PRDM16: variants seen among roughly 807,000 people sequenced by gnomAD.
PRDM16 encodes histone-lysine N-methyltransferase PRDM16.
Under a neutral mutation model 110.6 loss-of-function variants are expected in PRDM16, and 23 were observed. The observed-to-expected ratio is 0.21, with a 90% CI of 0.15 to 0.29. The LOEUF (loss-of-function observed/expected upper bound fraction) is 0.29, where lower values mean the gene tolerates loss of function less well. PRDM16 is among the 10% of genes least tolerant of loss of function. The pLI, the probability that PRDM16 is intolerant of heterozygous loss-of-function variation, is 1.00. For synonymous variants in PRDM16, 799 were observed against 781.8 expected (o/e 1.02, Z -0.37); for missense variants, 1,615 against 1,794.3 (o/e 0.90, Z 1.81).
chr1:3,163,777 G>A (rs955703304), intron 1 of PRDM16, among the ~76,000 whole-genome samples: 21 of 152,188 alleles, frequency 1.4e-4, no homozygotes, highest in Non-Finnish European at 1.6e-4. Flanking sequence ...TACCCCGTGC[G>A]TGTTCACGTC....
chr1:3,171,257 C>T (rs182494057), intron 1 of PRDM16, among the ~76,000 whole-genome samples: 269 of 152,328 alleles, frequency 1.8e-3, no homozygotes, highest in African/African-American at 6.1e-3. Context: ...AGTTTGGTGG[C>T]GGTCGGCTGT....
intron 2 of PRDM16, among the ~76,000 whole-genome samples, chr1:3,233,775 C>T (rs779700835): frequency 4.3e-4 from 65 of 151,844 alleles, no homozygotes; most frequent in Non-Finnish European, 6.2e-4. Flanking sequence ...TGGTGTGGAT[C>T]GTGGCGATGG....
intron 3 of PRDM16, among the ~76,000 whole-genome samples, chr1:3,258,545 A>G (rs986924251): frequency 1.3e-5 from 2 of 152,236 alleles, no homozygotes; most frequent in Non-Finnish European, 2.9e-5. Flanking sequence ...TAGTGTTGAT[A>G]AATTAAGTAA....
At chr1:3,266,356 C>G (rs1640292599) in intron 3 of PRDM16, among the ~76,000 whole-genome samples, 1 of 152,320 alleles carries the variant, frequency 6.6e-6, no homozygotes, top group African/African-American at 2.4e-5. Flanking sequence ...CCGTAATCCA[C>G]CAGAGAACAA....
At position 3,434,077 on chromosome 1, in the gene PRDM16, A is replaced by G; in HGVS notation, c.*266A>G. On this transcript the variant is annotated 3_prime_UTR_variant, in exon 17 of 17. Coordinates refer to ENST00000270722, the MANE Select transcript of PRDM16 (RefSeq NM_022114.4). ...GCAGGTGGCCGTCCAAAGACAGCCA[A>G]CGGAGCTGCCTCGCAGAATCAGCCA... The G allele has an allele frequency of 2.3e-6, 1 of 432,864 alleles. No homozygotes were observed. The highest frequency in any genetic ancestry group is 4.1e-6 in the Non-Finnish European group (1 of 241,580). 26.8% of individuals were successfully genotyped at this position (432,864 alleles called of 1,614,324 possible).
intron 16 of PRDM16, among the ~76,000 whole-genome samples, chr1:3,432,344 T>C (rs1223424284): frequency 1.3e-5 from 2 of 152,230 alleles, no homozygotes; most frequent in African/African-American, 4.8e-5. Context: ...TGAGAGCCGA[T>C]GACCCTGGCA....
At chr1:3,130,596 G>A (rs535725605) in intron 1 of PRDM16, among the ~76,000 whole-genome samples, 1 of 152,260 alleles carries the variant, frequency 6.6e-6, no homozygotes, top group Non-Finnish European at 1.5e-5. Context: ...TTCAGGGGAG[G>A]GCTGATGCTT....
In PRDM16 at chr1:3,074,027, G is replaced by C. The variant is rs185136598; in HGVS notation, c.37+4731G>C. On this transcript the variant is annotated intron_variant, in intron 1 of 16. Transcript: ENST00000270722. ...CGCCGCCTGGGTTTAAGTAGGGGCT[G>C]TAGGGGGAGGGAAGACGGTGCAGAG... Among the ~76,000 whole-genome samples the C allele has an allele frequency of 1.7e-3, 257 of 152,322 alleles. 1 individual carries two copies. Among genetic ancestry groups the C allele is most frequent in the African/African-American group, 5.9e-3 (245 of 41,596 alleles).
At chr1:3,087,142 G>C (rs1010772535) in intron 1 of PRDM16, among the ~76,000 whole-genome samples, 1 of 151,958 alleles carries the variant, frequency 6.6e-6, no homozygotes, top group East Asian at 1.9e-4. Context: ...GATTCTTTCA[G>C]AAGAGGCAGC....
chr1:3,273,593 GGT>G (rs893290222), intron 3 of PRDM16, among the ~76,000 whole-genome samples: 15 of 152,034 alleles, frequency 9.9e-5, no homozygotes, highest in Admixed American at 2.6e-4. Context: ...TGTGTGGGTA[GGT>G]GTGTGTGTAT....
intron 3 of PRDM16, among the ~76,000 whole-genome samples, chr1:3,324,210 G>A (rs941054243): frequency 2.0e-5 from 3 of 152,052 alleles, no homozygotes; most frequent in Admixed American, 6.5e-5. Flanking sequence ...AAGTGGGTGC[G>A]GAGCAGGACT....
At chr1:3,362,730 A>T (rs1434306901) in intron 3 of PRDM16, among the ~76,000 whole-genome samples, 1 of 152,146 alleles carries the variant, frequency 6.6e-6, no homozygotes, top group Non-Finnish European at 1.5e-5. Flanking sequence ...GCTGTCACAA[A>T]GCCGGCCGGG....
At chr1:3,291,588 T>C (rs922966358) in intron 3 of PRDM16, among the ~76,000 whole-genome samples, 1 of 152,172 alleles carries the variant, frequency 6.6e-6, no homozygotes, top group Non-Finnish European at 1.5e-5. Context: ...CCATCCCCTC[T>C]TGAAGGGGCC....
At chr1:3,238,894 ACCT>A (rs1639599910) in intron 2 of PRDM16, among the ~76,000 whole-genome samples, 1 of 152,000 alleles carries the variant, frequency 6.6e-6, no homozygotes, top group Non-Finnish European at 1.5e-5. Flanking sequence ...CTGCCCGGTC[ACCT>A]CAACTCTGCA....
chr1:3,196,258 G>A (rs1043695300), intron 2 of PRDM16, among the ~76,000 whole-genome samples: 1 of 152,236 alleles, frequency 6.6e-6, no homozygotes, highest in Non-Finnish European at 1.5e-5. Flanking sequence ...CCGATTGCCT[G>A]GGCCCAGTGC....
At chr1:3,115,350 G>T (rs532139692) in intron 1 of PRDM16, among the ~76,000 whole-genome samples, 1 of 152,238 alleles carries the variant, frequency 6.6e-6, no homozygotes, top group African/African-American at 2.4e-5. Context: ...GGAGTGCAGG[G>T]GGCCTGGAAA....
At chr1:3,373,236 G>A (rs1642935317) in intron 3 of PRDM16, among the ~76,000 whole-genome samples, 1 of 152,166 alleles carries the variant, frequency 6.6e-6, no homozygotes, top group Non-Finnish European at 1.5e-5. Context: ...TGCAGTGCCG[G>A]CGGGAAACGG....
intron 8 of PRDM16, among the ~76,000 whole-genome samples, chr1:3,409,771 T>G (rs182098051): frequency 8.6e-4 from 105 of 121,614 alleles, no homozygotes; most frequent in Non-Finnish European, 1.3e-3. Context: ...GTGTGTGTGG[T>G]TGTGTGTGGG....
intron 14 of PRDM16, among the ~76,000 whole-genome samples, chr1:3,427,982 G>A (rs950697031): frequency 6.6e-6 from 1 of 152,156 alleles, no homozygotes; most frequent in African/African-American, 2.4e-5. Flanking sequence ...CCTTACCTAC[G>A]CCCCACAGCC....
Sources: allele counts gnomAD v4.1 joint callset (sites outside exome capture counted in the v4.1 genomes callset), GRCh38; gene constraint gnomAD v4.1.1; transcripts MANE v1.5; gene names NCBI Gene and HGNC (gene_info 2026-07-23, HGNC 2026-07-21).